Variants in RAD51B observed in about 807,000 individuals in gnomAD.
RAD51B encodes DNA repair protein RAD51 homolog 2.
A neutral mutation model predicts 42.2 loss-of-function variants in RAD51B; 38 were observed. The ratio of observed to expected loss-of-function variants is 0.90; its 90% CI spans 0.70 to 1.18. The LOEUF (loss-of-function observed/expected upper bound fraction) is 1.18, where lower values mean the gene tolerates loss of function less well. RAD51B is among the 50% of genes most tolerant of loss of function. RAD51B has a pLI of 0.00. For missense variants in RAD51B, 373 were observed against 400.7 expected (o/e 0.93, Z 0.59); for synonymous variants, 154 against 145.2 (o/e 1.06, Z -0.43).
chr14:68,107,094 A>G (rs1475060299), intron 7 of RAD51B, among the ~76,000 whole-genome samples: 1 of 151,846 alleles, frequency 6.6e-6, no homozygotes, highest in African/African-American at 2.4e-5. Flanking sequence ...CTCTTCATTA[A>G]GATGTTTATA....
intron 7 of RAD51B, among the ~76,000 whole-genome samples, chr14:67,893,509 C>CAAA (rs71129863): frequency 1.6e-4 from 13 of 83,782 alleles, no homozygotes; most frequent in African/African-American, 5.2e-4. Flanking sequence ...CACACACACA[C>CAAA]AAAAAAAAAC....
intron 7 of RAD51B, among the ~76,000 whole-genome samples, chr14:68,059,821 C>T (rs1418346652): frequency 6.6e-6 from 1 of 152,060 alleles, no homozygotes; most frequent in Non-Finnish European, 1.5e-5. Context: ...CTTCTCTATC[C>T]CACACATAAT....
At chr14:68,180,536 A>G (rs1165717060) in intron 7 of RAD51B, among the ~76,000 whole-genome samples, 1 of 152,182 alleles carries the variant, frequency 6.6e-6, no homozygotes, top group Admixed American at 6.5e-5. Flanking sequence ...ATAAGGTTAT[A>G]TATTTAATAC....
intron 9 of RAD51B, among the ~76,000 whole-genome samples, chr14:68,448,208 T>C (rs927986027): frequency 2.4e-4 from 37 of 152,212 alleles, no homozygotes; most frequent in African/African-American, 8.9e-4. Flanking sequence ...TTACGGGTTA[T>C]ATACAAGGGT....
At chr14:68,534,165 A>G (rs1203299555) in intron 10 of RAD51B, among the ~76,000 whole-genome samples, 2 of 152,228 alleles carry the variant, frequency 1.3e-5, no homozygotes, top group African/African-American at 4.8e-5. Flanking sequence ...ATAACAATTG[A>G]AATCTAGACT....
chr14:68,525,711 C>T (rs548531643), intron 10 of RAD51B, among the ~76,000 whole-genome samples: 2 of 152,280 alleles, frequency 1.3e-5, no homozygotes, highest in African/African-American at 4.8e-5. Flanking sequence ...GCTTTTCACA[C>T]CCACACTCGC....
intron 7 of RAD51B, among the ~76,000 whole-genome samples, chr14:68,072,070 A>ATT (rs1440869222): frequency 2.9e-5 from 3 of 104,700 alleles, no homozygotes; most frequent in Non-Finnish European, 5.5e-5. Context: ...TATTTATATA[A>ATT]ATATATAAAT....
chr14:67,859,502 A>G (rs184251329), intron 4 of RAD51B, among the ~76,000 whole-genome samples: 63 of 152,340 alleles, frequency 4.1e-4, no homozygotes, highest in African/African-American at 1.1e-3. Flanking sequence ...TGTATCCACT[A>G]TTGTTAACAA....
intron 7 of RAD51B, among the ~76,000 whole-genome samples, chr14:68,287,603 C>T (rs1032330901): frequency 5.3e-5 from 8 of 152,184 alleles, no homozygotes; most frequent in South Asian, 2.1e-4. Context: ...GGGTGTGTTG[C>T]GTGTTTTCAA....
chr14:68,653,307 C>T lies in RAD51B; in HGVS notation c.*11+2451C>T, dbSNP rs539734991. On this transcript the variant is annotated intron_variant, in intron 11 of 11. Transcript: ENST00000488612. ...GTTGGAGACTGTAGCGTACTATGAG[C>T]ATGACTGGGAATAGCGCACTATGAG... Among the ~76,000 whole-genome samples the T allele has an allele frequency of 7.4e-4, 112 of 152,288 alleles. 3 individuals are homozygous for T. In the South Asian group the frequency reaches 0.023, roughly 31 times the overall value.
At chr14:68,428,932 T>A (rs1419013496) in intron 9 of RAD51B, among the ~76,000 whole-genome samples, 1 of 138,130 alleles carries the variant, frequency 7.2e-6, no homozygotes, top group East Asian at 2.2e-4. Flanking sequence ...CAGGCCCCAG[T>A]GTGTGATCTT....
intron 7 of RAD51B, among the ~76,000 whole-genome samples, chr14:68,090,696 T>TTTATTA (rs544898659): frequency 2.7e-5 from 4 of 147,036 alleles, no homozygotes; most frequent in African/African-American, 9.8e-5. Context: ...TATTTATTTA[T>TTTATTA]TTATTATTAT....
intron 7 of RAD51B, among the ~76,000 whole-genome samples, chr14:68,010,206 A>G (rs2075660398): frequency 6.6e-6 from 1 of 151,940 alleles, no homozygotes; most frequent in Non-Finnish European, 1.5e-5. Context: ...CTACCTTTCC[A>G]TAGCACTAAG....
intron 7 of RAD51B, among the ~76,000 whole-genome samples, chr14:68,085,888 C>G (rs1274303663): frequency 6.6e-6 from 1 of 152,120 alleles, no homozygotes; most frequent in African/African-American, 2.4e-5. Flanking sequence ...GCTAGATGGG[C>G]AGGCTGTAGG....
chr14:68,652,145 C>G (rs953448736), intron 11 of RAD51B, among the ~76,000 whole-genome samples: 2 of 152,206 alleles, frequency 1.3e-5, no homozygotes, highest in Admixed American at 1.3e-4. Flanking sequence ...CCTCCCAACA[C>G]GACGCCAACT....
rs371253302 is a variant in RAD51B, at chr14:68,042,293, C to T, written c.756+155089C>T. On this transcript the variant is annotated intron_variant, in intron 7 of 10. Transcript: ENST00000471583. ...TAATCAGAGCTTGTTTTCTTGCTCA[C>T]TGGTGGCCAGATACAGGTCATAATA... 2.6e-5 allele frequency among the ~76,000 whole-genome samples: 4 copies of T among 152,302 alleles called. No homozygotes were observed. The East Asian group carries it at 7.7e-4, about 29-fold the overall frequency.
intron 9 of RAD51B, among the ~76,000 whole-genome samples, chr14:68,456,888 T>G (rs929355618): frequency 2.0e-5 from 1 of 51,266 alleles, no homozygotes; most frequent in African/African-American, 1.8e-4. Context: ...TTTTTTTTTT[T>G]TTTTTTTTTT....
At chr14:68,604,461 G>A (rs1363602090) in intron 10 of RAD51B, among the ~76,000 whole-genome samples, 1 of 152,234 alleles carries the variant, frequency 6.6e-6, no homozygotes, top group Non-Finnish European at 1.5e-5. Context: ...CACCAGCCAG[G>A]CGGGGCTGCC....
chr14:68,522,734 C>G, intron 10 of RAD51B, among the ~76,000 whole-genome samples: 1 of 152,130 alleles, frequency 6.6e-6, no homozygotes, highest in Non-Finnish European at 1.5e-5. Context: ...CCAATTAGAG[C>G]CTGGGATTTG....
Sources: allele counts gnomAD v4.1 joint callset (sites outside exome capture counted in the v4.1 genomes callset), GRCh38; gene constraint gnomAD v4.1.1; transcripts MANE v1.5; gene names NCBI Gene and HGNC (gene_info 2026-07-23, HGNC 2026-07-21).